Variants in DDB1 observed in about 807,000 individuals in gnomAD.
DDB1 encodes the protein DNA damage-binding protein 1.
In DDB1, 18 loss-of-function variants were observed where a neutral mutation model predicts 133.1. That is an observed-to-expected ratio of 0.14 (90% CI 0.09 to 0.20). The LOEUF (loss-of-function observed/expected upper bound fraction) is 0.20, where lower values mean the gene tolerates loss of function less well. Ranked by LOEUF, DDB1 falls within the 10% of genes least tolerant of loss-of-function variation. The pLI, the probability that DDB1 is intolerant of heterozygous loss-of-function variation, is 1.00. For synonymous variants in DDB1, 580 were observed against 550.5 expected, an observed-to-expected ratio of 1.05 and a Z score of -0.75; for missense variants, 828 against 1,459.2, an observed-to-expected ratio of 0.57 and a Z score of 7.05.
At chr11:61,308,902 G>A in intron 21 of DDB1, 81 bp downstream of exon 21, 4 of 1,341,310 alleles carry the variant, frequency 3.0e-6, no homozygotes, top group Non-Finnish European at 4.3e-6. Context: ...CACACACGTG[G>A]CCCCAGACAA....
At chr11:61,304,540 T>C (rs1336217510) in intron 21 of DDB1, among the ~76,000 whole-genome samples, 2 of 151,992 alleles carry the variant, frequency 1.3e-5, no homozygotes, top group South Asian at 2.1e-4. Context: ...CCTGAAGAAC[T>C]TGATTCTACA....
Position 61,314,297 on chromosome 11 carries a change from AAC to A in DDB1, c.1589+9_1589+10del, listed in dbSNP as rs1344617651. The stretch of plus-strand genomic sequence containing the variant: ...GAGGAGGAAAGCGAGCAGACAGAAA[AAC>A]ACACACACCTGATCTGCCGGAGCTC... On this transcript the variant is annotated intron_variant, in intron 13 of 26. Coordinates refer to ENST00000301764, the MANE Select transcript of DDB1 (RefSeq NM_001923.5). The A allele has an allele frequency of 3.7e-6, 6 of 1,602,826 alleles. No individual in the cohort carries two copies. Among genetic ancestry groups the A allele is most frequent in the African/African-American group, 1.3e-5 (1 of 74,302 alleles).
intron 10 of DDB1, among the ~76,000 whole-genome samples, chr11:61,320,532 T>A (rs1856162156): frequency 6.6e-6 from 1 of 151,972 alleles, no homozygotes; most frequent in Admixed American, 6.6e-5. Context: ...CCTTTTCCCA[T>A]ACTTTTTTTT....
rs775124445 is a variant in DDB1, at chr11:61,324,132, G to A, written c.768C>T (p.Ser256=). Residue 256 remains serine (S), a synonymous_variant, in exon 7 of 27, where the codon AGC becomes AGT. Transcript: ENST00000301764. ...LAIAPPIIKQ[S]TIVCHNRVDP... ...CCACTCGATTGTGGCACACAATCGT[G>A]CTTTGCTGCCAATTGGAAGGAAACA... The A allele has an allele frequency of 5.0e-6, 8 of 1,614,092 alleles. No homozygotes were observed. In the Middle Eastern group the frequency reaches 6.6e-4, roughly 133 times the overall value.
In DDB1 at chr11:61,302,349, G is replaced by T; in HGVS notation, c.3123C>A (p.Thr1041=). The change falls in exon 25 of 27, where the codon ACC becomes ACA. Residue 1041 remains threonine, a synonymous_variant. Transcript: ENST00000301764. The part of the protein sequence containing the change: ...GTVNGMIGLV[T]SLSESWYNLL... Reference sequence around the variant, plus strand: ...GGTTGTACCAGCTCTCTGACAGTGAGGTCACCAGCCCTGAAGAAGTGAAGG... The same window carrying T: ...GGTTGTACCAGCTCTCTGACAGTGATGTCACCAGCCCTGAAGAAGTGAAGG... 6.2e-7 allele frequency: 1 copy of T among 1,614,164 alleles called. No individual in the cohort carries two copies. The highest frequency in any genetic ancestry group is 8.5e-7 in the Non-Finnish European group (1 of 1,179,988).
rs1360826652 is a variant in DDB1 at position 61,299,788 on chromosome 11, C to T, written c.*348G>A. 4 of 372,562 alleles carry T rather than the reference C, an allele frequency of 1.1e-5. No homozygotes were observed. In the East Asian group the frequency reaches 2.4e-4, roughly 22 times the overall value. The allele number at this position is 372,562 out of a possible 1,614,324, so 23.1% of individuals were successfully genotyped here. ...CATGAGTGTGAGATACACATACACACACACACATACACACACACACACGCA... is the reference window on the plus strand; with the variant it reads ...CATGAGTGTGAGATACACATACACATACACACATACACACACACACACGCA... On this transcript the variant is annotated 3_prime_UTR_variant, in exon 27 of 27. Transcript: ENST00000301764.
chr11:61,310,012 C>T, intron 19 of DDB1, 52 bp from the exon 20 acceptor site: 1 of 1,609,534 alleles, frequency 6.2e-7, no homozygotes, highest in East Asian at 2.2e-5. Flanking sequence ...TATCTGCACG[C>T]ACACATAACC....
intron 19 of DDB1, 65 bp from the exon 20 acceptor site, chr11:61,310,025 G>C (rs1021418743): frequency 3.7e-6 from 6 of 1,600,004 alleles, no homozygotes; most frequent in Middle Eastern, 1.7e-4. Context: ...ACATAACCCC[G>C]TATTTCTGAG....
chr11:61,314,405 T>C lies in DDB1; in HGVS notation c.1492A>G (p.Ile498Val). The C allele has an allele frequency of 6.2e-7, 1 of 1,614,266 alleles. No individual in the cohort carries two copies. The highest frequency in any genetic ancestry group is 8.5e-7 in the Non-Finnish European group (1 of 1,180,048). Residue 498 changes from isoleucine to valine, a missense_variant, in exon 13 of 27, where the codon ATC becomes GTC. Transcript: ENST00000301764. ...SEWKEPQAKN[I>V]SVASCNSSQV... is the part of the protein sequence containing the mutation. ...CTGCTATTGCAGGAGGCCACACTGATGTTCTTGGCCTGAGGCTCCTTCCAT... is the reference window on the plus strand; with the variant it reads ...CTGCTATTGCAGGAGGCCACACTGACGTTCTTGGCCTGAGGCTCCTTCCAT...
At chr11:61,310,873 T>C (rs937671223) in intron 18 of DDB1, 2 of 153,554 alleles carry the variant, frequency 1.3e-5, no homozygotes, top group Non-Finnish European at 2.9e-5. Flanking sequence ...GAGCCTAGTA[T>C]GTGTAGCTCC....
intron 12 of DDB1, 80 bp from the exon 13 acceptor site, chr11:61,314,566 C>T (rs1856034900): frequency 2.2e-6 from 3 of 1,362,252 alleles, no homozygotes; most frequent in South Asian, 1.4e-5. Context: ...TAAATGCAGC[C>T]CTAATAGAGC....
intron 25 of DDB1, chr11:61,301,811 G>C (rs1196667182): frequency 6.1e-6 from 1 of 163,230 alleles, no homozygotes; most frequent in African/African-American, 2.4e-5. Context: ...AATAGCACTT[G>C]GATTCTGGGG....
chr11:61,324,833 A>T (rs540527531), intron 6 of DDB1, among the ~76,000 whole-genome samples: 1 of 152,346 alleles, frequency 6.6e-6, no homozygotes, highest in African/African-American at 2.4e-5. Context: ...TGAGCCCTGA[A>T]AACATTACAT....
At chr11:61,322,881 C>T in intron 8 of DDB1, 130 bp downstream of exon 8, 1 of 757,780 alleles carries the variant, frequency 1.3e-6, no homozygotes, top group South Asian at 1.9e-5. Context: ...TTAAATTAAC[C>T]AAGTAGAAAG....
intron 21 of DDB1, among the ~76,000 whole-genome samples, chr11:61,304,727 A>T (rs1855857029): frequency 6.6e-6 from 1 of 151,560 alleles, no homozygotes; most frequent in Admixed American, 6.6e-5. Flanking sequence ...ACAAAAAAAA[A>T]ATTAGCCAAG....
intron 18 of DDB1, 134 bp downstream of exon 18, chr11:61,311,650 G>C: frequency 1.4e-6 from 1 of 722,158 alleles, no homozygotes. Flanking sequence ...TTCAGGCTAC[G>C]ATGGCAAAGT....
At chr11:61,332,612 C>G in intron 1 of DDB1, 1 of 332,150 alleles carries the variant, frequency 3.0e-6, no homozygotes, top group Non-Finnish European at 5.4e-6. Flanking sequence ...CGGGCCCAAA[C>G]GACACCGCAC....
At position 61,326,904 on chromosome 11, in the gene DDB1, A is replaced by G. The variant is rs200684668; in HGVS notation, c.550-11T>C. On this transcript the variant is annotated splice_polypyrimidine_tract_variant and intron_variant, in intron 4 of 26. Coordinates refer to ENST00000301764, the MANE Select transcript of DDB1 (RefSeq NM_001923.5). ...CCGCCCCTGAGGGTCCTGGGGGGGA[A>G]AGGTAAAATGGTTAGCCCTTAGGAA... 1.9e-6 allele frequency: 3 copies of G among 1,605,392 alleles called. No homozygotes were observed. The East Asian group carries it at 6.7e-5, about 36-fold the overall frequency.
rs752312432 is a variant in DDB1 at position 61,302,392 on chromosome 11, G to C, written c.3113-33C>G. 2.5e-6 allele frequency: 4 copies of C among 1,602,748 alleles called. No individual in the cohort carries two copies. The African/African-American group carries it at 4.0e-5, about 16-fold the overall frequency. ...AGTGAAGGAGGCAGTGAGCTGCAGA[G>C]AGCTCAACCCCACAGCATGTATCCT... On this transcript the variant is annotated intron_variant, in intron 24 of 26. Coordinates refer to ENST00000301764, the MANE Select transcript of DDB1 (RefSeq NM_001923.5).
Sources: allele counts gnomAD v4.1 joint callset (sites outside exome capture counted in the v4.1 genomes callset), GRCh38; gene constraint gnomAD v4.1.1; transcripts MANE v1.5; gene names NCBI Gene and HGNC (gene_info 2026-07-23, HGNC 2026-07-21).